POLA1: variants seen among roughly 807,000 people sequenced by gnomAD.
POLA1 encodes DNA polymerase alpha 1, catalytic subunit, also known as DNA polymerase alpha catalytic subunit.
POLA1 carries 15 observed loss-of-function variants against 124.0 expected under a neutral mutation model. That is an observed-to-expected ratio of 0.12 (90% CI 0.08 to 0.19). The LOEUF is 0.19. Among genes scored for constraint, POLA1 ranks in the 10% least tolerant of loss-of-function variants. The pLI is 1.00. For missense variants in POLA1, 886 were observed against 1,103.4 expected (o/e 0.80, Z 2.79); for synonymous variants, 408 against 389.4 (o/e 1.05, Z -0.56).
At chrX:24,807,865 C>T (rs2045827043) in intron 26 of POLA1, among the ~76,000 whole-genome samples, 2 of 111,529 alleles carry the variant, frequency 1.8e-5, no homozygotes, top group South Asian at 7.6e-4. Flanking sequence ...GAAGGAATTC[C>T]GGGTAGGAGA....
rs772826834 is a variant in POLA1, at chrX:24,996,317, T to TC, written c.*374dup. On this transcript the variant is annotated 3_prime_UTR_variant, in exon 37 of 37. Coordinates refer to ENST00000379068, the MANE Select transcript of POLA1 (RefSeq NM_001330360.2). ...TTTGCCTCAGGGCCTTTAGCCTATGTCCCCCCCACATAAAGAGAGCTTCTC... is the reference window on the plus strand; with the variant it reads ...TTTGCCTCAGGGCCTTTAGCCTATGTCCCCCCCCACATAAAGAGAGCTTCTC... The TC allele has an allele frequency of 1.4e-4, 19 of 133,114 alleles. No homozygotes were observed. Among genetic ancestry groups the TC allele is most frequent in the East Asian group, 8.1e-4 (4 of 4,914 alleles). 11.0% of individuals were successfully genotyped at this position (133,114 alleles called of 1,213,427 possible). A position where few individuals can be genotyped will look rare whatever the true frequency, so the allele number is the denominator to read the frequency against.
chrX:24,860,968 G>A (rs746647105), intron 34 of POLA1, among the ~76,000 whole-genome samples: 1 of 111,801 alleles, frequency 8.9e-6, no homozygotes, highest in Admixed American at 9.4e-5. Flanking sequence ...TCTGTTGAGG[G>A]CAAGAGTCAG....
At chrX:24,835,443 C>A (rs1434164225) in intron 32 of POLA1, among the ~76,000 whole-genome samples, 1 of 111,888 alleles carries the variant, frequency 8.9e-6, no homozygotes, top group African/African-American at 3.2e-5. Flanking sequence ...TCCTTCATTT[C>A]ATCTAATTTC....
intron 36 of POLA1, among the ~76,000 whole-genome samples, chrX:24,933,202 G>A (rs777682599): frequency 2.7e-5 from 3 of 111,945 alleles, no homozygotes; most frequent in Non-Finnish European, 5.6e-5. Flanking sequence ...ACAATTGAAT[G>A]CAAGGTCATA....
chrX:24,986,067 G>A (rs2048476699), intron 36 of POLA1, among the ~76,000 whole-genome samples: 1 of 111,745 alleles, frequency 8.9e-6, no homozygotes, highest in South Asian at 3.8e-4. Context: ...AGCTACTCAG[G>A]AGGCTGAGGC....
At chrX:24,855,277 G>T (rs899886358) in intron 34 of POLA1, among the ~76,000 whole-genome samples, 1 of 111,510 alleles carries the variant, frequency 9.0e-6, no homozygotes, top group African/African-American at 3.3e-5. Context: ...TTTGCATTTT[G>T]CAAATTTATT....
intron 4 of POLA1, among the ~76,000 whole-genome samples, chrX:24,709,399 C>G (rs1253987289): frequency 4.4e-4 from 43 of 98,386 alleles, no homozygotes; most frequent in Non-Finnish European, 7.8e-4. Flanking sequence ...GCTGACCCCC[C>G]CACCTCCCTC....
chrX:24,930,650 T>G (rs967985250), intron 36 of POLA1, 101 bp downstream of exon 36: 1 of 564,793 alleles, frequency 1.8e-6, no homozygotes, highest in African/African-American at 2.2e-5. Context: ...ATCACATTGC[T>G]GTCTCAGAAG....
At chrX:24,734,726 G>C (rs867383846) in intron 17 of POLA1, among the ~76,000 whole-genome samples, 1 of 111,003 alleles carries the variant, frequency 9.0e-6, no homozygotes, top group Non-Finnish European at 1.9e-5. Context: ...AGGGATTCTC[G>C]TGCCTCAGCC....
At chrX:24,750,050 C>T (rs1277333360) in intron 26 of POLA1, among the ~76,000 whole-genome samples, 3 of 111,655 alleles carry the variant, frequency 2.7e-5, no homozygotes, top group Non-Finnish European at 3.8e-5. Flanking sequence ...TGATGGCCAT[C>T]GGGGCAAATG....
intron 26 of POLA1, among the ~76,000 whole-genome samples, chrX:24,750,094 A>G (rs1254674997): frequency 8.9e-6 from 1 of 112,167 alleles, no homozygotes; most frequent in Non-Finnish European, 1.9e-5. Flanking sequence ...ATAATGTTCT[A>G]TTGGAACAGA....
chrX:24,788,856 C>T (rs2045428446), intron 26 of POLA1: 1 of 1,196,708 alleles, frequency 8.4e-7, no homozygotes. Flanking sequence ...GCTTTCTTCA[C>T]TCCTGGCAGG....
chrX:24,931,797 T>G lies in POLA1; in HGVS notation c.4261+1248T>G, dbSNP rs749899291. On this transcript the variant is annotated intron_variant, in intron 36 of 36. Transcript: ENST00000379068. Reference sequence around the variant, plus strand: ...CAAGGACCTTTCCTAAAGACAGTTATGAGTTGAGAAAATTAAGTACTGATT... The same window carrying G: ...CAAGGACCTTTCCTAAAGACAGTTAGGAGTTGAGAAAATTAAGTACTGATT... 2.7e-5 allele frequency among the ~76,000 whole-genome samples: 3 copies of G among 112,744 alleles called. No individual in the cohort carries two copies. In the East Asian group the frequency reaches 8.3e-4, roughly 31 times the overall value.
chrX:24,701,789 T>C (rs1219385891), intron 2 of POLA1, among the ~76,000 whole-genome samples: 1 of 105,631 alleles, frequency 9.5e-6, no homozygotes, highest in African/African-American at 3.5e-5. Context: ...AATCTCGCTC[T>C]CTCTCCCAGG....
At chrX:24,778,952 CT>C (rs768822129) in intron 26 of POLA1, among the ~76,000 whole-genome samples, 1 of 112,136 alleles carries the variant, frequency 8.9e-6, no homozygotes, top group South Asian at 3.8e-4. Context: ...ATCTGTTGAG[CT>C]TCTTAGAATG....
chrX:24,820,979 A>G (rs1310355027), intron 30 of POLA1, among the ~76,000 whole-genome samples: 2 of 111,515 alleles, frequency 1.8e-5, no homozygotes, highest in Admixed American at 1.9e-4. Context: ...AATTCATTCT[A>G]CCTCTGTAGA....
chrX:24,988,251 A>G (rs2048499264), intron 36 of POLA1, among the ~76,000 whole-genome samples: 1 of 112,487 alleles, frequency 8.9e-6, no homozygotes, highest in African/African-American at 3.2e-5. Flanking sequence ...TTTACTGCCT[A>G]TCTGTTGTCA....
chrX:24,857,374 C>T (rs958620241), intron 34 of POLA1, among the ~76,000 whole-genome samples: 6 of 111,314 alleles, frequency 5.4e-5, no homozygotes, highest in African/African-American at 2.0e-4. Context: ...TTATTTTTTT[C>T]AAAAATGTCT....
chrX:24,818,079 T>C (rs188672043), intron 30 of POLA1, among the ~76,000 whole-genome samples: 1 of 110,447 alleles, frequency 9.1e-6, no homozygotes, highest in East Asian at 2.8e-4. Flanking sequence ...AAAAACAGCA[T>C]GTGTGATTTT....
Sources: gnomAD v4.1 joint callset for allele counts (sites outside exome capture counted in the v4.1 genomes callset) on GRCh38, gnomAD v4.1.1 for gene constraint, MANE v1.5 for transcripts, NCBI Gene and HGNC (gene_info 2026-07-23, HGNC 2026-07-21) for gene names.